The following SOX6 variants were observed in gnomAD, a reference collection of about 807,000 sequenced individuals.
The protein encoded by SOX6 is SRY-box transcription factor 6.
SOX6 carries 11 observed loss-of-function variants against 97.8 expected under a neutral mutation model. The observed-to-expected ratio is 0.11, with a 90% confidence interval of 0.07 to 0.19. The LOEUF (loss-of-function observed/expected upper bound fraction) is 0.19. SOX6 is among the 10% of genes least tolerant of loss of function. The probability of loss-of-function intolerance (pLI) is 1.00; values close to 1 mark genes in which losing one functional copy is unlikely to be tolerated. For synonymous variants in SOX6, 360 were observed against 371.4 expected (o/e 0.97, Z 0.35); for missense variants, 810 against 1,039.5 (o/e 0.78, Z 3.04).
intron 4 of SOX6, among the ~76,000 whole-genome samples, chr11:16,529,264 T>C (rs972791206): frequency 2.0e-5 from 3 of 152,074 alleles, no homozygotes; most frequent in Non-Finnish European, 4.4e-5. Flanking sequence ...AGAAGCACCA[T>C]AGGATATTAG....
At chr11:16,047,188 A>T (rs987328777) in intron 11 of SOX6, among the ~76,000 whole-genome samples, 1 of 152,160 alleles carries the variant, frequency 6.6e-6, no homozygotes, top group Non-Finnish European at 1.5e-5. Context: ...GTGAGGCCAC[A>T]TGTGTACTTT....
chr11:16,657,129 C>T (rs1346877914), intron 3 of SOX6, among the ~76,000 whole-genome samples: 5 of 152,194 alleles, frequency 3.3e-5, no homozygotes, highest in African/African-American at 4.8e-5. Flanking sequence ...TTCTCCATCC[C>T]TCCTAACCCC....
At chr11:16,028,728 A>G (rs1855275441) in intron 12 of SOX6, among the ~76,000 whole-genome samples, 1 of 152,160 alleles carries the variant, frequency 6.6e-6, no homozygotes, top group African/African-American at 2.4e-5. Context: ...TGCTCTCCAC[A>G]TATCGGCCGT....
chr11:16,087,442 A>T (rs1470231468), intron 9 of SOX6, among the ~76,000 whole-genome samples: 1 of 152,152 alleles, frequency 6.6e-6, no homozygotes, highest in African/African-American at 2.4e-5. Flanking sequence ...GTTCTCACCA[A>T]ATTTCATATT....
chr11:16,724,792 C>G (rs890726489), intron 2 of SOX6, among the ~76,000 whole-genome samples: 1 of 152,180 alleles, frequency 6.6e-6, no homozygotes, highest in Non-Finnish European at 1.5e-5. Context: ...TGTCATAAAA[C>G]TACTCAAACG....
chr11:16,681,443 G>A (rs867786577), intron 3 of SOX6, among the ~76,000 whole-genome samples: 3 of 152,120 alleles, frequency 2.0e-5, no homozygotes, highest in Non-Finnish European at 2.9e-5. Context: ...CAGAATCTCC[G>A]GGACACATTT....
At chr11:16,136,344 G>GT (rs34244829) in intron 6 of SOX6, among the ~76,000 whole-genome samples, 44,495 of 129,062 alleles carry the variant, frequency 0.34, 8,826 homozygotes, top group Non-Finnish European at 0.46. Flanking sequence ...TGTGTGTGTG[G>GT]TTTTTTTTTT....
intron 3 of SOX6, among the ~76,000 whole-genome samples, chr11:16,302,566 C>CATT (rs1855291570): frequency 2.3e-5 from 2 of 87,000 alleles, no homozygotes; most frequent in Admixed American, 1.5e-4. Context: ...TTCTTTTTTT[C>CATT]TTTTTTTTTT....
At chr11:16,029,696 C>A (rs16932470) in intron 12 of SOX6, among the ~76,000 whole-genome samples, 70 of 150,362 alleles carry the variant, frequency 4.7e-4, no homozygotes, top group African/African-American at 1.7e-3. Flanking sequence ...TGGATTTGAA[C>A]AGTCTCAGGG....
At chr11:16,647,656 T>C (rs1849033432) in intron 3 of SOX6, among the ~76,000 whole-genome samples, 1 of 152,148 alleles carries the variant, frequency 6.6e-6, no homozygotes. Context: ...TGCTGTAAGT[T>C]CCATGAAACA....
intron 2 of SOX6, among the ~76,000 whole-genome samples, chr11:16,717,878 T>A (rs1217342478): frequency 6.6e-6 from 1 of 151,794 alleles, no homozygotes; most frequent in African/African-American, 2.4e-5. Flanking sequence ...TTTTTTTTTT[T>A]AAGCTTTTCT....
At position 15,969,951 on chromosome 11, in the gene SOX6, T is replaced by A. The variant is rs150298351; in HGVS notation, c.*2858A>T. 2 of 152,344 alleles carry A rather than the reference T, an allele frequency of 1.3e-5. No individual in the cohort carries two copies. The highest frequency in any genetic ancestry group is 4.8e-5 in the African/African-American group (2 of 41,588). The allele number at this position is 152,344 out of a possible 1,614,324, so 9.4% of individuals were successfully genotyped here. A position where few individuals can be genotyped will look rare whatever the true frequency, so the allele number is the denominator to read the frequency against. The stretch of plus-strand genomic sequence containing the variant: ...TCATTCCTGAATAGCCTTTCATTTT[T>A]AAGAACATGGCTAAAAGTAAATGAA... On this transcript the variant is annotated 3_prime_UTR_variant, in exon 16 of 16. Transcript: ENST00000683767.
intron 4 of SOX6, among the ~76,000 whole-genome samples, chr11:16,216,092 A>G (rs1458306449): frequency 6.6e-6 from 1 of 152,198 alleles, no homozygotes; most frequent in African/African-American, 2.4e-5. Context: ...TCTTTTGGAA[A>G]TGGAGGACAA....
At chr11:16,519,908 A>G (rs1182138647) in intron 4 of SOX6, among the ~76,000 whole-genome samples, 1 of 152,168 alleles carries the variant, frequency 6.6e-6, no homozygotes, top group African/African-American at 2.4e-5. Context: ...GTGAGATGCT[A>G]ACTCATTGTG....
At chr11:16,064,993 C>T (rs929785846) in intron 9 of SOX6, among the ~76,000 whole-genome samples, 3 of 151,884 alleles carry the variant, frequency 2.0e-5, no homozygotes, top group African/African-American at 7.2e-5. Context: ...TGTTATTCAA[C>T]ATATTACTGG....
chr11:16,578,634 T>G (rs950752262), intron 4 of SOX6, among the ~76,000 whole-genome samples: 4 of 152,154 alleles, frequency 2.6e-5, no homozygotes, highest in African/African-American at 9.6e-5. Context: ...TAGATTTCCT[T>G]TTTCAAAATT....
intron 4 of SOX6, among the ~76,000 whole-genome samples, chr11:16,496,973 G>T (rs1339501636): frequency 6.6e-6 from 1 of 152,136 alleles, no homozygotes; most frequent in Non-Finnish European, 1.5e-5. Flanking sequence ...GAGAGTAGTG[G>T]TTCTCCCAGC....
intron 9 of SOX6, among the ~76,000 whole-genome samples, chr11:16,088,828 C>T (rs970870861): frequency 1.3e-5 from 2 of 152,116 alleles, no homozygotes; most frequent in African/African-American, 4.8e-5. Flanking sequence ...TTCAAATGAG[C>T]ACTGTAGGCT....
chr11:16,195,568 C>A (rs1293410896), intron 4 of SOX6, among the ~76,000 whole-genome samples: 2 of 152,184 alleles, frequency 1.3e-5, no homozygotes, highest in Non-Finnish European at 2.9e-5. Context: ...ATAAATTGAA[C>A]TTTGACATCT....
Sources: allele counts gnomAD v4.1 joint callset (sites outside exome capture counted in the v4.1 genomes callset), GRCh38; gene constraint gnomAD v4.1.1; transcripts MANE v1.5; gene names NCBI Gene and HGNC (gene_info 2026-07-23, HGNC 2026-07-21).